The following LRFN5 variants were observed in gnomAD, a reference collection of about 807,000 sequenced individuals.
LRFN5 encodes the protein leucine rich repeat and fibronectin type III domain containing 5, also known as leucine-rich repeat and fibronectin type-III domain-containing protein 5.
LRFN5 carries 24 observed loss-of-function variants against 45.6 expected under a neutral mutation model. The observed-to-expected ratio is 0.53, with a 90% CI of 0.38 to 0.74. The LOEUF (loss-of-function observed/expected upper bound fraction) is 0.74, where lower values mean the gene tolerates loss of function less well. LRFN5 is among the 30% of genes least tolerant of loss of function. The pLI is 0.00. For missense variants in LRFN5, 776 were observed against 861.5 expected, an observed-to-expected ratio of 0.90 and a Z score of 1.24; for synonymous variants, 340 against 313.8, an observed-to-expected ratio of 1.08 and a Z score of -0.88.
At chr14:41,797,133 T>C (rs1436638925) in intron 2 of LRFN5, among the ~76,000 whole-genome samples, 1 of 151,900 alleles carries the variant, frequency 6.6e-6, no homozygotes, top group Non-Finnish European at 1.5e-5. Context: ...TTTAATGTCT[T>C]ATGCAGAGAA....
intron 1 of LRFN5, among the ~76,000 whole-genome samples, chr14:41,741,744 C>T (rs190300410): frequency 6.6e-6 from 1 of 150,618 alleles, no homozygotes; most frequent in Non-Finnish European, 1.5e-5. Context: ...CAACAATTTA[C>T]ATAGTGGAGA....
intron 2 of LRFN5, among the ~76,000 whole-genome samples, chr14:41,784,660 GCT>G (rs1242704394): frequency 2.0e-5 from 3 of 151,512 alleles, no homozygotes; most frequent in Non-Finnish European, 4.4e-5. Context: ...ACAGAGTCTC[GCT>G]CTGTCACCCA....
chr14:41,643,814 T>C (rs1423095316), intron 1 of LRFN5, among the ~76,000 whole-genome samples: 3 of 152,132 alleles, frequency 2.0e-5, no homozygotes, highest in Non-Finnish European at 4.4e-5. Context: ...CTCATCTTTC[T>C]CTACACATGA....
intron 4 of LRFN5, chr14:41,893,231 A>G (rs1293228216): frequency 2.1e-6 from 2 of 963,982 alleles, no homozygotes; most frequent in African/African-American, 3.5e-5. Flanking sequence ...ATTTAGTAGA[A>G]ACTAATGTTG....
At chr14:41,776,436 T>G (rs1298675636) in intron 2 of LRFN5, among the ~76,000 whole-genome samples, 2 of 152,132 alleles carry the variant, frequency 1.3e-5, no homozygotes, top group African/African-American at 4.8e-5. Flanking sequence ...GGCATTCTGG[T>G]GTTTACCTAT....
chr14:41,731,175 C>T (rs573119533), intron 1 of LRFN5, among the ~76,000 whole-genome samples: 2 of 151,990 alleles, frequency 1.3e-5, no homozygotes, highest in Non-Finnish European at 2.9e-5. Flanking sequence ...TGTAGGTCTT[C>T]GTCACTCTAT....
chr14:41,795,775 G>A (rs7157803), intron 2 of LRFN5, among the ~76,000 whole-genome samples: 53,115 of 146,874 alleles, frequency 0.36, 10,013 homozygotes, highest in East Asian at 0.69. Flanking sequence ...AGGGCCTGTC[G>A]TAGGTTGGGG....
chr14:41,638,769 G>A (rs1879426490), intron 1 of LRFN5, among the ~76,000 whole-genome samples: 1 of 151,890 alleles, frequency 6.6e-6, no homozygotes, highest in African/African-American at 2.4e-5. Context: ...ATTATGTAAT[G>A]TATAAACAGA....
intron 1 of LRFN5, among the ~76,000 whole-genome samples, chr14:41,685,341 T>C (rs906072464): frequency 6.6e-6 from 1 of 152,120 alleles, no homozygotes; most frequent in African/African-American, 2.4e-5. Flanking sequence ...AAGAGATACC[T>C]GTACCCCCAT....
intron 2 of LRFN5, among the ~76,000 whole-genome samples, chr14:41,828,194 C>T (rs1029182446): frequency 6.6e-6 from 1 of 151,956 alleles, no homozygotes; most frequent in African/African-American, 2.4e-5. Context: ...ACCTTTCAAA[C>T]TCAAAATAGT....
intron 2 of LRFN5, among the ~76,000 whole-genome samples, chr14:41,800,543 T>C (rs986116909): frequency 6.6e-6 from 1 of 151,750 alleles, no homozygotes; most frequent in African/African-American, 2.4e-5. Context: ...AACAAGTACA[T>C]TATTAGACAG....
chr14:41,715,530 C>T (rs926405475), intron 1 of LRFN5, among the ~76,000 whole-genome samples: 2 of 152,126 alleles, frequency 1.3e-5, no homozygotes, highest in African/African-American at 4.8e-5. Flanking sequence ...TTTTCAGAAG[C>T]AAAGGAGTTT....
intron 2 of LRFN5, among the ~76,000 whole-genome samples, chr14:41,817,448 A>G (rs1353920681): frequency 6.6e-6 from 1 of 152,108 alleles, no homozygotes; most frequent in African/African-American, 2.4e-5. Flanking sequence ...CTATAATCCT[A>G]GGAGTAGAAC....
intron 2 of LRFN5, among the ~76,000 whole-genome samples, chr14:41,833,694 T>C (rs921784780): frequency 3.3e-5 from 5 of 152,208 alleles, no homozygotes; most frequent in African/African-American, 1.2e-4. Context: ...AGTATTGGCT[T>C]TTGGGCAACA....
chr14:41,717,887 A>C (rs557388820), intron 1 of LRFN5, among the ~76,000 whole-genome samples: 2 of 152,190 alleles, frequency 1.3e-5, no homozygotes, highest in African/African-American at 4.8e-5. Context: ...AAAAGTTACT[A>C]GACAGGTTTT....
chr14:41,880,880 C>T (rs1452269216), intron 2 of LRFN5, among the ~76,000 whole-genome samples: 1 of 152,040 alleles, frequency 6.6e-6, no homozygotes, highest in Non-Finnish European at 1.5e-5. Flanking sequence ...ATAAAATGCC[C>T]ATATTTATCT....
chr14:41,888,847 C>A (rs1890671439), intron 3 of LRFN5, among the ~76,000 whole-genome samples: 1 of 151,822 alleles, frequency 6.6e-6, no homozygotes, highest in African/African-American at 2.4e-5. Context: ...CACATCTTAT[C>A]CAATTTTCAG....
At chr14:41,629,170 A>T (rs1029574933) in intron 1 of LRFN5, among the ~76,000 whole-genome samples, 33 of 152,174 alleles carry the variant, frequency 2.2e-4, no homozygotes, top group Admixed American at 8.5e-4. Context: ...TTTATTTTAG[A>T]TCATATATAC....
At chr14:41,643,347 A>G (rs996497038) in intron 1 of LRFN5, among the ~76,000 whole-genome samples, 1 of 152,190 alleles carries the variant, frequency 6.6e-6, no homozygotes, top group South Asian at 2.1e-4. Context: ...TATTAGTGCA[A>G]TTAAAGTTTT....
Sources: gnomAD v4.1 joint callset for allele counts (sites outside exome capture counted in the v4.1 genomes callset) on GRCh38, gnomAD v4.1.1 for gene constraint, MANE v1.5 for transcripts, NCBI Gene and HGNC (gene_info 2026-07-23, HGNC 2026-07-21) for gene names.